RBFOX2: variants seen among roughly 807,000 people sequenced by gnomAD.
The protein encoded by RBFOX2 is RNA binding protein fox-1 homolog 2.
In RBFOX2, 10 loss-of-function variants were observed where a neutral mutation model predicts 49.1. The ratio of observed to expected loss-of-function variants is 0.20; its 90% CI spans 0.13 to 0.35. The LOEUF is 0.35. Ranked by LOEUF, RBFOX2 falls within the 10% of genes least tolerant of loss-of-function variation. The probability of loss-of-function intolerance (pLI) is 1.00; values close to 1 mark genes in which losing one functional copy is unlikely to be tolerated. For missense variants in RBFOX2, 323 were observed against 486.9 expected (o/e 0.66, Z 3.17); for synonymous variants, 183 against 187.4 (o/e 0.98, Z 0.19).
chr22:35,922,185 C>T (rs1051424176), intron 1 of RBFOX2, among the ~76,000 whole-genome samples: 1 of 152,186 alleles, frequency 6.6e-6, no homozygotes, highest in African/African-American at 2.4e-5. Flanking sequence ...AAATTTAAAT[C>T]ACAATTGCAT....
At chr22:35,939,190 T>A, upstream of RBFOX2, 2 of 571,076 alleles carry the variant, frequency 3.5e-6, no homozygotes, top group Non-Finnish European at 6.6e-6. Context: ...GCGACTGGGG[T>A]CAGAGTTAAT....
At chr22:35,965,421 T>C (rs1354878149), upstream of RBFOX2, among the ~76,000 whole-genome samples, 3 of 152,124 alleles carry the variant, frequency 2.0e-5, no homozygotes, top group African/African-American at 7.2e-5. Context: ...AAAATTAATA[T>C]TATGGAGATT....
intron 1 of RBFOX2, among the ~76,000 whole-genome samples, chr22:35,946,027 A>G (rs1276973970): frequency 6.6e-6 from 1 of 152,208 alleles, no homozygotes; most frequent in African/African-American, 2.4e-5. Flanking sequence ...ATCAGCTGGT[A>G]TAAGCAGTAT....
At chr22:35,841,935 G>A (rs1230160328), upstream of RBFOX2, among the ~76,000 whole-genome samples, 2 of 152,166 alleles carry the variant, frequency 1.3e-5, no homozygotes, top group East Asian at 3.8e-4. Context: ...TCTCATACCT[G>A]TAATCCCAGC....
intron 2 of RBFOX2, among the ~76,000 whole-genome samples, chr22:35,792,368 A>G (rs940337537): frequency 2.6e-5 from 4 of 151,320 alleles, no homozygotes; most frequent in African/African-American, 9.7e-5. Context: ...AAGAAAAGAA[A>G]AAGAAAAAGA....
At chr22:35,850,068 C>A (rs1043306115) in intron 1 of RBFOX2, among the ~76,000 whole-genome samples, 1 of 151,948 alleles carries the variant, frequency 6.6e-6, no homozygotes, top group Non-Finnish European at 1.5e-5. Flanking sequence ...GCTTTAAGTG[C>A]GTCAGAGAAT....
intron 3 of RBFOX2, among the ~76,000 whole-genome samples, chr22:35,778,885 C>T (rs1944524107): frequency 6.6e-6 from 1 of 152,178 alleles, no homozygotes; most frequent in South Asian, 2.1e-4. Flanking sequence ...GATCTGCCTG[C>T]CTCAGCCTGC....
intron 1 of RBFOX2, among the ~76,000 whole-genome samples, chr22:35,953,288 G>C (rs890309160): frequency 6.9e-6 from 1 of 145,342 alleles, no homozygotes; most frequent in Non-Finnish European, 1.5e-5. Flanking sequence ...TAAACAAATT[G>C]TGCTATATAC....
intron 1 of RBFOX2, among the ~76,000 whole-genome samples, chr22:35,849,324 CACACACACAG>C (rs2041628564): frequency 6.6e-6 from 1 of 151,726 alleles, no homozygotes; most frequent in East Asian, 1.9e-4. Context: ...CACACACACA[CACACACACAG>C]ACACACAGAA....
intron 1 of RBFOX2, among the ~76,000 whole-genome samples, chr22:35,902,470 C>A (rs1313640425): frequency 6.6e-6 from 1 of 152,046 alleles, no homozygotes; most frequent in Non-Finnish European, 1.5e-5. Flanking sequence ...AGCTGACTGA[C>A]TTCACTATAT....
intron 1 of RBFOX2, among the ~76,000 whole-genome samples, chr22:35,856,624 G>C (rs2042538987): frequency 6.8e-6 from 1 of 146,960 alleles, no homozygotes; most frequent in Non-Finnish European, 1.5e-5. Flanking sequence ...TAGAGGCCAG[G>C]AGGGGAAAAA....
At chr22:35,930,222 T>C (rs953812160) in intron 1 of RBFOX2, among the ~76,000 whole-genome samples, 5 of 151,750 alleles carry the variant, frequency 3.3e-5, no homozygotes, top group African/African-American at 1.2e-4. Context: ...GGTTTCCCCA[T>C]GTTGGCCAGG....
At chr22:35,894,089 C>T (rs2047559636) in intron 1 of RBFOX2, among the ~76,000 whole-genome samples, 1 of 152,164 alleles carries the variant, frequency 6.6e-6, no homozygotes, top group African/African-American at 2.4e-5. Flanking sequence ...TCATAATTTA[C>T]AAACTTCTCC....
At chr22:35,901,744 C>T (rs765387430) in intron 1 of RBFOX2, among the ~76,000 whole-genome samples, 2 of 152,040 alleles carry the variant, frequency 1.3e-5, no homozygotes, top group Non-Finnish European at 2.9e-5. Context: ...GCTCTTACTC[C>T]CAGTTATTAG....
intron 1 of RBFOX2, among the ~76,000 whole-genome samples, chr22:35,933,497 G>A (rs1335976913): frequency 6.6e-6 from 1 of 152,046 alleles, no homozygotes; most frequent in Non-Finnish European, 1.5e-5. Context: ...CCCTTACTTG[G>A]TTAGGCCACC....
Position 35,865,945 on chromosome 22 carries a change from A to T in RBFOX2, c.-33-55941T>A, listed in dbSNP as rs1395790695. On this transcript the variant is annotated intron_variant, in intron 1 of 13. Transcript: ENST00000359369. The stretch of plus-strand genomic sequence containing the variant: ...AATTGTTAACACAATAAGCAACAAC[A>T]TGCCAAATATTGGCTATCACACTGT... Among the ~76,000 whole-genome samples the T allele has an allele frequency of 5.2e-5, 8 of 152,384 alleles. No homozygotes were observed. The East Asian group carries it at 1.3e-3, about 26-fold the overall frequency.
chr22:35,840,467 A>G, exon 1 of RBFOX2: 1 of 1,411,788 alleles, frequency 7.1e-7, no homozygotes, highest in Non-Finnish European at 9.2e-7. Context: ...GGCTGAAGGA[A>G]GCCCCACCCC....
At chr22:35,933,734 G>A (rs987590912) in intron 1 of RBFOX2, among the ~76,000 whole-genome samples, 9 of 151,900 alleles carry the variant, frequency 5.9e-5, no homozygotes, top group African/African-American at 1.9e-4. Context: ...ATGTTCTCCA[G>A]TTCCCAAGTC....
At chr22:35,923,836 C>T (rs1251720047) in intron 1 of RBFOX2, among the ~76,000 whole-genome samples, 1 of 151,410 alleles carries the variant, frequency 6.6e-6, no homozygotes, top group East Asian at 1.9e-4. Flanking sequence ...ACTATAGATA[C>T]ATAACACATA....
Sources: gnomAD v4.1 joint callset for allele counts (sites outside exome capture counted in the v4.1 genomes callset) on GRCh38, gnomAD v4.1.1 for gene constraint, MANE v1.5 for transcripts, NCBI Gene and HGNC (gene_info 2026-07-23, HGNC 2026-07-21) for gene names.